Variants in ERBB4 observed in about 807,000 individuals in gnomAD.
ERBB4 encodes the protein erb-b2 receptor tyrosine kinase 4, also known as receptor tyrosine-protein kinase erbB-4.
A neutral mutation model predicts 158.0 loss-of-function variants in ERBB4; 42 were observed. The observed-to-expected ratio is 0.27, with a 90% CI of 0.21 to 0.34. ERBB4 has a LOEUF of 0.34. Among genes scored for constraint, ERBB4 ranks in the 10% least tolerant of loss-of-function variants. ERBB4 has a pLI of 1.00. For missense variants in ERBB4, 1,333 were observed against 1,624.1 expected (o/e 0.82, Z 3.08); for synonymous variants, 583 against 558.7 (o/e 1.04, Z -0.61).
At chr2:212,042,493 A>G (rs1007978173) in intron 2 of ERBB4, among the ~76,000 whole-genome samples, 2 of 152,128 alleles carry the variant, frequency 1.3e-5, no homozygotes, top group Non-Finnish European at 1.5e-5. Flanking sequence ...ATGACAGTAT[A>G]CTGCTCAATG....
Position 211,383,998 on chromosome 2 carries a change from C to G in ERBB4, c.3544G>C (p.Ala1182Pro), listed in dbSNP as rs2062630555. 1 of 1,614,026 alleles carries G rather than the reference C, an allele frequency of 6.2e-7. No homozygotes were observed. The highest frequency in any genetic ancestry group is 8.5e-7 in the Non-Finnish European group (1 of 1,179,970). The change falls in exon 28 of 28, where the codon GCA (alanine) becomes CCA (proline). Residue 1182 changes from alanine to proline, a missense_variant. Ala to Pro is a conservative substitution (Grantham distance 27). Around this residue, in one of 5 missense-constraint regions of ERBB4, gnomAD observed 252 missense variants for 241.3 expected, o/e 1.04. Transcript: ENST00000342788. Reference sequence around the variant, plus strand: ...TTGTGATATTCGGGATTATCCAATGCTTGAAGGTCTCCATTTTTTCTCCGA... The same window carrying G: ...TTGTGATATTCGGGATTATCCAATGGTTGAAGGTCTCCATTTTTTCTCCGA... ...VSRRKNGDLQ[A>P]LDNPEYHNAS...
At chr2:212,301,973 A>G (rs2174473) in intron 1 of ERBB4, among the ~76,000 whole-genome samples, 7,018 of 151,594 alleles carry the variant, frequency 0.046, 449 homozygotes, top group African/African-American at 0.14. Flanking sequence ...GGGGTATCCT[A>G]TGTCACTAAG....
chr2:212,093,389 A>G (rs2078835932), intron 2 of ERBB4, among the ~76,000 whole-genome samples: 2 of 152,246 alleles, frequency 1.3e-5, no homozygotes, highest in Admixed American at 1.3e-4. Flanking sequence ...AGAATAAACA[A>G]CAACAACAAT....
intron 7 of ERBB4, among the ~76,000 whole-genome samples, chr2:211,719,322 T>C (rs902220924): frequency 6.6e-6 from 1 of 152,184 alleles, no homozygotes; most frequent in Non-Finnish European, 1.5e-5. Flanking sequence ...TTCTTCCAGT[T>C]TACTGATGGA....
intron 3 of ERBB4, among the ~76,000 whole-genome samples, chr2:211,808,109 G>A (rs900775434): frequency 2.6e-5 from 4 of 152,114 alleles, no homozygotes; most frequent in African/African-American, 9.7e-5. Context: ...TTCTCTTGCT[G>A]TGCAGAAGCT....
intron 3 of ERBB4, among the ~76,000 whole-genome samples, chr2:211,884,734 C>A (rs1238436396): frequency 6.6e-6 from 1 of 152,166 alleles, no homozygotes; most frequent in Non-Finnish European, 1.5e-5. Flanking sequence ...TCAACTCACT[C>A]TTGTGATAGA....
intron 1 of ERBB4, among the ~76,000 whole-genome samples, chr2:212,203,224 G>A (rs1670241000): frequency 6.6e-6 from 1 of 152,122 alleles, no homozygotes; most frequent in African/African-American, 2.4e-5. Context: ...ATAGCACATG[G>A]TAGGCTCTCC....
intron 19 of ERBB4, among the ~76,000 whole-genome samples, chr2:211,572,869 G>A (rs2067770902): frequency 6.6e-6 from 1 of 152,058 alleles, no homozygotes; most frequent in East Asian, 1.9e-4. Flanking sequence ...GTCATTGATG[G>A]CAAATACGTG....
intron 2 of ERBB4, among the ~76,000 whole-genome samples, chr2:211,957,836 T>C (rs958867895): frequency 6.6e-6 from 1 of 152,136 alleles, no homozygotes; most frequent in Non-Finnish European, 1.5e-5. Flanking sequence ...AGCATTTCAA[T>C]GTACAATTAA....
intron 4 of ERBB4, among the ~76,000 whole-genome samples, chr2:211,766,221 A>T (rs1412506055): frequency 2.0e-5 from 3 of 152,220 alleles, no homozygotes; most frequent in Non-Finnish European, 4.4e-5. Context: ...GCAGGAAAGA[A>T]TTAAATAAAA....
chr2:212,390,903 T>C (rs1236722484), intron 1 of ERBB4, among the ~76,000 whole-genome samples: 5 of 151,852 alleles, frequency 3.3e-5, no homozygotes, highest in Non-Finnish European at 7.4e-5. Context: ...CTATGCAGAA[T>C]TGGTTAAATA....
At chr2:212,352,751 C>T (rs939305453) in intron 1 of ERBB4, among the ~76,000 whole-genome samples, 2 of 151,906 alleles carry the variant, frequency 1.3e-5, no homozygotes, top group African/African-American at 4.8e-5. Flanking sequence ...ACCTGTAATC[C>T]CAGCTACTTG....
At chr2:212,493,978 T>C (rs1369457851) in intron 1 of ERBB4, among the ~76,000 whole-genome samples, 11 of 151,866 alleles carry the variant, frequency 7.2e-5, no homozygotes. Context: ...CGGATTAAAA[T>C]TCTTATTAAG....
intron 1 of ERBB4, among the ~76,000 whole-genome samples, chr2:212,200,295 T>C (rs2082553510): frequency 6.6e-6 from 1 of 152,150 alleles, no homozygotes; most frequent in Admixed American, 6.6e-5. Flanking sequence ...TAGGAAAAGT[T>C]ACATATGTAA....
At chr2:212,108,706 C>CT (rs775193964) in intron 2 of ERBB4, among the ~76,000 whole-genome samples, 14,071 of 96,900 alleles carry the variant, frequency 0.15, 1,184 homozygotes, top group Non-Finnish European at 0.2. Flanking sequence ...AATGGGTCTG[C>CT]TTTTTTTTTT....
intron 3 of ERBB4, among the ~76,000 whole-genome samples, chr2:211,886,144 ACT>A (rs921670847): frequency 6.6e-6 from 1 of 152,170 alleles, no homozygotes; most frequent in Non-Finnish European, 1.5e-5. Flanking sequence ...TCTTAGATAC[ACT>A]CATCACAGGT....
intron 9 of ERBB4, among the ~76,000 whole-genome samples, chr2:211,709,552 G>A (rs746692483): frequency 2.0e-5 from 3 of 151,872 alleles, no homozygotes; most frequent in Non-Finnish European, 4.4e-5. Context: ...ACCACCCCAC[G>A]AACAGGAAGT....
chr2:212,241,977 TG>T (rs66519856), intron 1 of ERBB4, among the ~76,000 whole-genome samples: 7,894 of 152,014 alleles, frequency 0.052, 641 homozygotes, highest in African/African-American at 0.18. Flanking sequence ...ATTTGATGAA[TG>T]AAAAAAAATT....
At chr2:211,822,329 A>C (rs181470605) in intron 3 of ERBB4, among the ~76,000 whole-genome samples, 1 of 152,112 alleles carries the variant, frequency 6.6e-6, no homozygotes, top group African/African-American at 2.4e-5. Flanking sequence ...TGTTTGAGAT[A>C]ATGGATATGC....
Sources: allele counts gnomAD v4.1 joint callset (sites outside exome capture counted in the v4.1 genomes callset), GRCh38; gene constraint gnomAD v4.1.1; regional missense constraint gnomAD v4.1.1; transcripts MANE v1.5; gene names NCBI Gene and HGNC (gene_info 2026-07-23, HGNC 2026-07-21).